The following MARCHF1 variants were observed in gnomAD, a reference collection of about 807,000 sequenced individuals.
MARCHF1 encodes the protein membrane associated ring-CH-type finger 1, also known as E3 ubiquitin-protein ligase MARCHF1.
Under a neutral mutation model 54.2 loss-of-function variants are expected in MARCHF1, and 40 were observed. The observed-to-expected ratio is 0.74, with a 90% CI of 0.57 to 0.96. The LOEUF is 0.96. Ranked by LOEUF, MARCHF1 falls within the 40% of genes least tolerant of loss-of-function variation. The pLI is 0.00. For synonymous variants in MARCHF1, 236 were observed against 236.3 expected (o/e 1.00, Z 0.01); for missense variants, 586 against 656.5 (o/e 0.89, Z 1.17).
chr4:163,766,487 T>C (rs1158004907), intron 4 of MARCHF1, among the ~76,000 whole-genome samples: 1 of 152,204 alleles, frequency 6.6e-6, no homozygotes, highest in Non-Finnish European at 1.5e-5. Context: ...TTTATTCAAA[T>C]ATACAGCCTT....
At chr4:164,074,571 T>C (rs1320831212) in intron 2 of MARCHF1, among the ~76,000 whole-genome samples, 1 of 152,094 alleles carries the variant, frequency 6.6e-6, no homozygotes, top group Non-Finnish European at 1.5e-5. Flanking sequence ...AGCCAACAAG[T>C]CTAAAAATAG....
intron 1 of MARCHF1, among the ~76,000 whole-genome samples, chr4:164,148,142 AAC>A (rs10573891): frequency 0.16 from 24,097 of 147,704 alleles, 2,710 homozygotes; most frequent in African/African-American, 0.31. Flanking sequence ...TTAAAAAAAT[AAC>A]ACACACACAC....
At position 163,528,683 on chromosome 4, in the gene MARCHF1, T is replaced by C; in HGVS notation, c.*65A>G. ...GGAGTAAATAATTCAAGATCACTTC[T>C]GTCATTTGTAGTGGCTGAGGGCTAG... On this transcript the variant is annotated 3_prime_UTR_variant, in exon 10 of 10. Transcript: ENST00000514618. 6.8e-7 allele frequency: 1 copy of C among 1,471,154 alleles called. No individual in the cohort carries two copies. The highest frequency in any genetic ancestry group is 1.3e-5 in the South Asian group (1 of 76,064). The allele number at this position is 1,471,154 out of a possible 1,614,324, so 91.1% of individuals were successfully genotyped here. A position where few individuals can be genotyped will look rare whatever the true frequency, so the allele number is the denominator to read the frequency against.
chr4:163,974,395 T>C (rs1752608913), intron 3 of MARCHF1, among the ~76,000 whole-genome samples: 1 of 152,152 alleles, frequency 6.6e-6, no homozygotes, highest in East Asian at 1.9e-4. Context: ...TATGTGTGGG[T>C]GTTTCAGTTG....
intron 1 of MARCHF1, among the ~76,000 whole-genome samples, chr4:164,379,186 G>GA (rs1731292222): frequency 6.6e-6 from 1 of 152,042 alleles, no homozygotes; most frequent in Non-Finnish European, 1.5e-5. Flanking sequence ...GGAATCTATA[G>GA]AAAAAATCAA....
chr4:164,039,554 A>G (rs1165062830), intron 2 of MARCHF1, among the ~76,000 whole-genome samples: 1 of 152,180 alleles, frequency 6.6e-6, no homozygotes, highest in Non-Finnish European at 1.5e-5. Flanking sequence ...AAAGGGACCT[A>G]TTCATTGGAA....
intron 4 of MARCHF1, among the ~76,000 whole-genome samples, chr4:163,774,569 C>T (rs1298414847): frequency 6.7e-6 from 1 of 148,334 alleles, no homozygotes; most frequent in Non-Finnish European, 1.5e-5. Flanking sequence ...GTGATCTCAG[C>T]TCACTGCAAC....
chr4:164,051,564 T>C (rs1754365773), intron 2 of MARCHF1, among the ~76,000 whole-genome samples: 1 of 152,198 alleles, frequency 6.6e-6, no homozygotes, highest in African/African-American at 2.4e-5. Context: ...AACAACCAAC[T>C]AGACATTATT....
intron 4 of MARCHF1, among the ~76,000 whole-genome samples, chr4:163,816,734 T>C (rs1436786085): frequency 6.6e-6 from 1 of 152,134 alleles, no homozygotes; most frequent in Non-Finnish European, 1.5e-5. Flanking sequence ...AGCTGGGATC[T>C]GAACCCAGAA....
At chr4:163,586,005 A>G (rs1489907850) in intron 7 of MARCHF1, 76 bp from the exon 8 acceptor site, 3 of 1,327,466 alleles carry the variant, frequency 2.3e-6, no homozygotes, top group Non-Finnish European at 3.1e-6. Context: ...GCCCTTGCTT[A>G]TACTAGGGCT....
At chr4:163,908,225 C>A (rs1415298553) in intron 3 of MARCHF1, among the ~76,000 whole-genome samples, 1 of 152,104 alleles carries the variant, frequency 6.6e-6, no homozygotes, top group Non-Finnish European at 1.5e-5. Context: ...CTTCTGCATA[C>A]ATCAAAATGA....
intron 3 of MARCHF1, among the ~76,000 whole-genome samples, chr4:163,899,063 T>C (rs1750879944): frequency 6.6e-6 from 1 of 152,182 alleles, no homozygotes; most frequent in Non-Finnish European, 1.5e-5. Flanking sequence ...AATTTCCTGT[T>C]GGGTACAACG....
chr4:163,598,697 T>C (rs1488661983), intron 7 of MARCHF1, among the ~76,000 whole-genome samples: 1 of 152,200 alleles, frequency 6.6e-6, no homozygotes, highest in African/African-American at 2.4e-5. Context: ...GAACTGGAAG[T>C]TGTTCTGGAT....
At chr4:164,136,762 C>G (rs917354516) in intron 1 of MARCHF1, among the ~76,000 whole-genome samples, 1 of 151,566 alleles carries the variant, frequency 6.6e-6, no homozygotes, top group African/African-American at 2.4e-5. Flanking sequence ...TGAGAGTGGG[C>G]AGACAGAGCA....
At chr4:163,813,322 C>A (rs891661247) in intron 4 of MARCHF1, among the ~76,000 whole-genome samples, 1 of 152,154 alleles carries the variant, frequency 6.6e-6, no homozygotes, top group African/African-American at 2.4e-5. Flanking sequence ...ATTTCAATTT[C>A]TTTGTATGTT....
chr4:163,683,183 C>T (rs1045047481), intron 5 of MARCHF1, among the ~76,000 whole-genome samples: 1 of 151,996 alleles, frequency 6.6e-6, no homozygotes, highest in Admixed American at 6.6e-5. Context: ...GGGCAATTTG[C>T]AAAAGAAAGA....
intron 3 of MARCHF1, among the ~76,000 whole-genome samples, chr4:163,939,814 G>A (rs965531700): frequency 5.3e-5 from 8 of 152,050 alleles, no homozygotes; most frequent in African/African-American, 1.2e-4. Context: ...ATAACATGCC[G>A]AACTATTAAT....
chr4:164,153,920 A>G (rs1425549269), intron 1 of MARCHF1, among the ~76,000 whole-genome samples: 1 of 152,214 alleles, frequency 6.6e-6, no homozygotes, highest in Non-Finnish European at 1.5e-5. Flanking sequence ...TTTACTGTTA[A>G]TGACAGATTC....
At position 163,992,402 on chromosome 4, in the gene MARCHF1, CAA is replaced by C. The variant is rs996480153; in HGVS notation, c.-247-3695_-247-3694del. Among the ~76,000 whole-genome samples, 16 of 151,848 alleles carry C rather than the reference CAA, an allele frequency of 1.1e-4. 1 individual carries two copies. The highest frequency in any genetic ancestry group is 2.9e-4 in the African/African-American group (12 of 41,406). On this transcript the variant is annotated intron_variant, in intron 2 of 9. Coordinates refer to ENST00000514618, the MANE Select transcript of MARCHF1 (RefSeq NM_001394959.1). ...CATATGGCAATTAATATCTGAAAGA[CAA>C]TATAGAATAATGAAAGTAAATATCA...
Sources: allele counts gnomAD v4.1 joint callset (sites outside exome capture counted in the v4.1 genomes callset), GRCh38; gene constraint gnomAD v4.1.1; transcripts MANE v1.5; gene names NCBI Gene and HGNC (gene_info 2026-07-23, HGNC 2026-07-21).